PKIB: variants seen among roughly 807,000 people sequenced by gnomAD.
PKIB encodes PKI-beta.
Under a neutral mutation model 4.5 loss-of-function variants are expected in PKIB, and 2 were observed. The ratio of observed to expected loss-of-function variants is 0.44; its 90% CI spans 0.18 to 1.39. The LOEUF (loss-of-function observed/expected upper bound fraction) is 1.39. Among genes scored for constraint, PKIB ranks in the 40% most tolerant of loss-of-function variants. The pLI, the probability that PKIB is intolerant of heterozygous loss-of-function variation, is 0.27. For missense variants in PKIB, 94 were observed against 92.6 expected (o/e 1.02, Z -0.06); for synonymous variants, 38 against 36.0 (o/e 1.06, Z -0.20).
intron 3 of PKIB, among the ~76,000 whole-genome samples, chr6:122,705,603 G>C (rs889657399): frequency 7.8e-6 from 1 of 127,758 alleles, no homozygotes; most frequent in Non-Finnish European, 1.6e-5. Context: ...GTCTTGCTCT[G>C]TGGCTACACT....
chr6:122,552,365 G>A (rs1772700444), intron 2 of PKIB, among the ~76,000 whole-genome samples: 1 of 151,664 alleles, frequency 6.6e-6, no homozygotes, highest in Non-Finnish European at 1.5e-5. Flanking sequence ...CAGTTTTGTT[G>A]TTGTTTTGTT....
At chr6:122,546,266 T>C (rs1456952436) in intron 2 of PKIB, among the ~76,000 whole-genome samples, 2 of 152,050 alleles carry the variant, frequency 1.3e-5, no homozygotes, top group Non-Finnish European at 1.5e-5. Flanking sequence ...ATGCATAGCA[T>C]GAGGGACTCT....
chr6:122,707,299 TTTC>T (rs1779102612), intron 3 of PKIB, among the ~76,000 whole-genome samples: 1 of 152,248 alleles, frequency 6.6e-6, no homozygotes, highest in African/African-American at 2.4e-5. Context: ...GTTATAATGA[TTTC>T]TTCTGTAAAG....
chr6:122,700,464 A>C (rs1582825213), intron 3 of PKIB, among the ~76,000 whole-genome samples: 1 of 152,126 alleles, frequency 6.6e-6, no homozygotes, highest in East Asian at 1.9e-4. Flanking sequence ...GTTTGAATTA[A>C]TGGTGCCATG....
chr6:122,667,216 A>G (rs1413212120), intron 2 of PKIB, among the ~76,000 whole-genome samples: 1 of 152,218 alleles, frequency 6.6e-6, no homozygotes, highest in African/African-American at 2.4e-5. Flanking sequence ...ATCAAAATTA[A>G]CTGTGATGCC....
intron 3 of PKIB, among the ~76,000 whole-genome samples, chr6:122,603,866 T>A (rs1249860556): frequency 6.6e-6 from 1 of 152,236 alleles, no homozygotes; most frequent in African/African-American, 2.4e-5. Context: ...CACGAAAATA[T>A]CTTTGGTAAG....
intron 2 of PKIB, among the ~76,000 whole-genome samples, chr6:122,672,897 G>A (rs866646640): frequency 1.2e-4 from 19 of 152,002 alleles, no homozygotes; most frequent in African/African-American, 4.6e-4. Context: ...ACTTTCATTA[G>A]TAAAATATTT....
At chr6:122,658,101 T>G (rs1015795763) in intron 2 of PKIB, among the ~76,000 whole-genome samples, 1 of 152,186 alleles carries the variant, frequency 6.6e-6, no homozygotes, top group African/African-American at 2.4e-5. Context: ...TAATTTAAAA[T>G]AATTTAAAAT....
chr6:122,473,555 G>A (rs896415798), intron 1 of PKIB, among the ~76,000 whole-genome samples: 2 of 152,078 alleles, frequency 1.3e-5, no homozygotes, highest in South Asian at 2.1e-4. Context: ...GCTCACTTAA[G>A]TTATTATATA....
intron 2 of PKIB, among the ~76,000 whole-genome samples, chr6:122,668,200 A>G (rs1777307763): frequency 6.6e-6 from 1 of 152,216 alleles, no homozygotes; most frequent in South Asian, 2.1e-4. Context: ...TAAAAAAATG[A>G]CAGGGTTTAG....
Position 122,548,346 on chromosome 6 carries a change from A to T in PKIB, c.-247-37575A>T, listed in dbSNP as rs561821598. The stretch of plus-strand genomic sequence containing the variant: ...ATAGACTATCAGCAGCTGAACCCCT[A>T]ATTTCCCGAGCCTTTCTAAAGCATT... On this transcript the variant is annotated intron_variant, in intron 2 of 6. Transcript: ENST00000392491. Among the ~76,000 whole-genome samples, 9 of 152,236 alleles carry T rather than the reference A, an allele frequency of 5.9e-5. No individual in the cohort carries two copies. The South Asian group carries it at 1.9e-3, about 32-fold the overall frequency.
intron 2 of PKIB, among the ~76,000 whole-genome samples, chr6:122,665,441 T>A (rs953924826): frequency 6.6e-6 from 1 of 152,180 alleles, no homozygotes. Context: ...ATCTGCAGCA[T>A]GTTAAATAGT....
chr6:122,501,554 G>A (rs1287040794), intron 2 of PKIB, among the ~76,000 whole-genome samples: 2 of 152,208 alleles, frequency 1.3e-5, no homozygotes, highest in African/African-American at 2.4e-5. Context: ...AATGGCTCGA[G>A]CATTACTTTG....
At chr6:122,641,245 G>C (rs1030454725) in intron 2 of PKIB, among the ~76,000 whole-genome samples, 1 of 151,846 alleles carries the variant, frequency 6.6e-6, no homozygotes, top group African/African-American at 2.4e-5. Flanking sequence ...AATATATGTA[G>C]ATATATATAG....
chr6:122,688,195 A>G (rs1778168382), intron 3 of PKIB, among the ~76,000 whole-genome samples: 1 of 152,162 alleles, frequency 6.6e-6, no homozygotes, highest in African/African-American at 2.4e-5. Context: ...CTTTTTCAGC[A>G]TCAATTGAAA....
At chr6:122,520,045 G>A (rs541594320) in intron 2 of PKIB, among the ~76,000 whole-genome samples, 1 of 152,208 alleles carries the variant, frequency 6.6e-6, no homozygotes, top group Admixed American at 6.5e-5. Flanking sequence ...TTCCAGTTAT[G>A]TTATAGTTAT....
chr6:122,551,395 A>G (rs1021660233), intron 2 of PKIB, among the ~76,000 whole-genome samples: 2 of 151,760 alleles, frequency 1.3e-5, no homozygotes, highest in Non-Finnish European at 2.9e-5. Flanking sequence ...CTCTGCCATT[A>G]TGCTTTTAAT....
intron 2 of PKIB, among the ~76,000 whole-genome samples, chr6:122,499,782 G>A (rs2114555519): frequency 1.3e-5 from 2 of 152,210 alleles, no homozygotes; most frequent in Middle Eastern, 6.8e-3. Flanking sequence ...ATCTCTTTTT[G>A]CTGATGATCT....
At position 122,547,609 on chromosome 6, in the gene PKIB, A is replaced by G. The variant is rs186574114; in HGVS notation, c.-247-38312A>G. 5.4e-3 allele frequency among the ~76,000 whole-genome samples: 821 copies of G among 151,172 alleles called. 20 individuals carry two copies. Among genetic ancestry groups the G allele is most frequent in the African/African-American group, 0.019 (763 of 40,616 alleles). ...CACCTCAGCCTCTCAAAGTGCTGGG[A>G]TTACAGGCGTGAGCCACCGCGCCCG... On this transcript the variant is annotated intron_variant, in intron 2 of 6. Transcript: ENST00000392491.
Sources: allele counts gnomAD v4.1 joint callset (sites outside exome capture counted in the v4.1 genomes callset), GRCh38; gene constraint gnomAD v4.1.1; transcripts MANE v1.5; gene names NCBI Gene and HGNC (gene_info 2026-07-23, HGNC 2026-07-21).